MORF4L1: variants seen among roughly 807,000 people sequenced by gnomAD.
MORF4L1 encodes mortality factor 4-like protein 1.
In MORF4L1, 4 loss-of-function variants were observed where a neutral mutation model predicts 52.9. The ratio of observed to expected loss-of-function variants is 0.08; its 90% CI spans 0.04 to 0.17. The LOEUF is 0.17. Ranked by LOEUF, MORF4L1 falls within the 10% of genes least tolerant of loss-of-function variation. The pLI, the probability that MORF4L1 is intolerant of heterozygous loss-of-function variation, is 1.00. For missense variants in MORF4L1, 214 were observed against 390.4 expected, an observed-to-expected ratio of 0.55 and a Z score of 3.81; for synonymous variants, 123 against 134.8, an observed-to-expected ratio of 0.91 and a Z score of 0.61.
chr15:78,881,596 G>A (rs968966562), intron 3 of MORF4L1, among the ~76,000 whole-genome samples: 12 of 152,178 alleles, frequency 7.9e-5, no homozygotes, highest in Admixed American at 5.9e-4. Flanking sequence ...TGTCCATCCA[G>A]TGGAGCTGTT....
chr15:78,881,094 A>G (rs1486862638), intron 3 of MORF4L1, among the ~76,000 whole-genome samples: 2 of 151,622 alleles, frequency 1.3e-5, no homozygotes, highest in Non-Finnish European at 2.9e-5. Context: ...TTTAGTGTTG[A>G]CCGAAAATGA....
In MORF4L1 at chr15:78,880,591, A is replaced by G. The variant is rs1380355688; in HGVS notation, c.155+12A>G. On this transcript the variant is annotated intron_variant, in intron 3 of 11. Coordinates refer to ENST00000426013, the MANE Select transcript of MORF4L1 (RefSeq NM_006791.4). ...GGTTGGAATAAAAAGTGAGTATTAG[A>G]TCTTACAATTCTATTTGTAATTAAC... 5.1e-6 allele frequency: 8 copies of G among 1,556,372 alleles called. No homozygotes were observed. The highest frequency in any genetic ancestry group is 2.7e-5 in the African/African-American group (2 of 73,030).
intron 11 of MORF4L1, among the ~76,000 whole-genome samples, 191 bp from the exon 12 acceptor site, chr15:78,896,792 A>G (rs933966810): frequency 2.6e-5 from 4 of 152,150 alleles, no homozygotes; most frequent in South Asian, 4.1e-4. Flanking sequence ...GTATATGTAT[A>G]GTGTTGTTCA....
intron 6 of MORF4L1, 163 bp from the exon 7 acceptor site, chr15:78,891,321 A>G (rs972421848): frequency 7.5e-6 from 5 of 665,542 alleles, no homozygotes; most frequent in African/African-American, 5.5e-5. Context: ...AGAGCTCTTC[A>G]TGAAAGTTGT....
chr15:78,886,729 G>C (rs2056711044), intron 4 of MORF4L1, among the ~76,000 whole-genome samples: 1 of 152,216 alleles, frequency 6.6e-6, no homozygotes, highest in South Asian at 2.1e-4. Context: ...GCCAAGGCGG[G>C]TGGATCACGA....
intron 5 of MORF4L1, 52 bp from the exon 6 acceptor site, chr15:78,890,937 A>G: frequency 7.3e-7 from 1 of 1,372,938 alleles, no homozygotes; most frequent in Non-Finnish European, 9.6e-7. Flanking sequence ...GAGTTGAAAC[A>G]GAGGCAGTTT....
intron 3 of MORF4L1, among the ~76,000 whole-genome samples, chr15:78,882,850 CAGGAGTTTG>C (rs1780243766): frequency 6.6e-6 from 1 of 151,888 alleles, no homozygotes; most frequent in Non-Finnish European, 1.5e-5. Flanking sequence ...AGGTTGAGCC[CAGGAGTTTG>C]AGGCCAGCCT....
chr15:78,883,642 C>A (rs1362553327), intron 3 of MORF4L1, among the ~76,000 whole-genome samples: 2 of 152,088 alleles, frequency 1.3e-5, no homozygotes, highest in Non-Finnish European at 2.9e-5. Context: ...AAAATAGCAT[C>A]AAATATTAGA....
At chr15:78,881,429 C>T (rs2056602068) in intron 3 of MORF4L1, among the ~76,000 whole-genome samples, 1 of 152,004 alleles carries the variant, frequency 6.6e-6, no homozygotes, top group Non-Finnish European at 1.5e-5. Flanking sequence ...CTCTTGACCT[C>T]AGGTGATCCA....
intron 1 of MORF4L1, chr15:78,877,743 C>T (rs1171254022): frequency 6.6e-6 from 1 of 152,560 alleles, no homozygotes; most frequent in Non-Finnish European, 1.5e-5. Flanking sequence ...CCCCTTAATC[C>T]AGCCAATCTC....
chr15:78,874,564 TTTTC>T (rs1219963685), intron 1 of MORF4L1, among the ~76,000 whole-genome samples: 1 of 147,218 alleles, frequency 6.8e-6, no homozygotes, highest in Non-Finnish European at 1.5e-5. Flanking sequence ...GGTTTTTGTT[TTTTC>T]TTTTCTTTTT....
rs1362549550 is a variant in MORF4L1, at chr15:78,897,767, C to T, written c.*700C>T. 2 of 152,550 alleles carry T rather than the reference C, an allele frequency of 1.3e-5. No homozygotes were observed. Among genetic ancestry groups the T allele is most frequent in the African/African-American group, 4.8e-5 (2 of 41,408 alleles). The allele number at this position is 152,550 out of a possible 1,614,324, so 9.4% of individuals were successfully genotyped here. On this transcript the variant is annotated 3_prime_UTR_variant, in exon 12 of 12. Transcript: ENST00000426013. The stretch of plus-strand genomic sequence containing the variant: ...TGCTTGTGTTGATGCCTTACAAAAA[C>T]CATTGTATATTTGTGTATTCCTTCT...
intron 3 of MORF4L1, among the ~76,000 whole-genome samples, chr15:78,884,404 C>T (rs977204412): frequency 6.6e-6 from 1 of 151,770 alleles, no homozygotes; most frequent in Admixed American, 6.6e-5. Flanking sequence ...TTTGGGAAGC[C>T]GAGGGTGGGC....
chr15:78,887,372 T>A, intron 5 of MORF4L1, 23 bp downstream of exon 5: 1 of 1,581,216 alleles, frequency 6.3e-7, no homozygotes, highest in East Asian at 2.2e-5. Context: ...TTGTTTTGAT[T>A]TTGCATACTA....
chr15:78,883,774 C>G (rs1332047580), intron 3 of MORF4L1, among the ~76,000 whole-genome samples: 1 of 152,100 alleles, frequency 6.6e-6, no homozygotes, highest in Non-Finnish European at 1.5e-5. Context: ...TTTAGAAAGT[C>G]TTTAAAGAAA....
intron 5 of MORF4L1, among the ~76,000 whole-genome samples, chr15:78,889,496 T>C (rs1403788234): frequency 2.6e-5 from 4 of 152,232 alleles, no homozygotes; most frequent in Non-Finnish European, 4.4e-5. Flanking sequence ...AACTCATCTA[T>C]ATTTTATAGA....
At chr15:78,883,099 C>T (rs2056631999) in intron 3 of MORF4L1, among the ~76,000 whole-genome samples, 1 of 151,688 alleles carries the variant, frequency 6.6e-6, no homozygotes, top group Admixed American at 6.6e-5. Flanking sequence ...ACTGTAGTCC[C>T]AGCTGCTGGG....
At chr15:78,889,952 A>G (rs1387626877) in intron 5 of MORF4L1, among the ~76,000 whole-genome samples, 2 of 129,386 alleles carry the variant, frequency 1.5e-5, no homozygotes, top group Non-Finnish European at 3.1e-5. Flanking sequence ...TAGGCCAGGC[A>G]TGGTGGCACA....
chr15:78,893,511 A>C, intron 8 of MORF4L1, 28 bp from the exon 9 acceptor site: 1 of 1,463,392 alleles, frequency 6.8e-7, no homozygotes, highest in Non-Finnish European at 9.6e-7. Context: ...GAGAGTGCTT[A>C]TATTTAAGCA....
Sources: allele counts gnomAD v4.1 joint callset (sites outside exome capture counted in the v4.1 genomes callset), GRCh38; gene constraint gnomAD v4.1.1; transcripts MANE v1.5; gene names NCBI Gene and HGNC (gene_info 2026-07-23, HGNC 2026-07-21).